SLC17A8: variants seen among roughly 807,000 people sequenced by gnomAD.
SLC17A8 encodes the protein solute carrier family 17 member 8, also known as vesicular glutamate transporter 3.
SLC17A8 carries 31 observed loss-of-function variants against 58.0 expected under a neutral mutation model. That is an observed-to-expected ratio of 0.53 (90% confidence interval 0.40 to 0.72). SLC17A8 has a LOEUF of 0.72. SLC17A8 is among the 30% of genes least tolerant of loss of function. The pLI, the probability that SLC17A8 is intolerant of heterozygous loss-of-function variation, is 0.00. For missense variants in SLC17A8, 655 were observed against 727.8 expected, an observed-to-expected ratio of 0.90 and a Z score of 1.15; for synonymous variants, 228 against 249.0, an observed-to-expected ratio of 0.92 and a Z score of 0.79.
intron 3 of SLC17A8, among the ~76,000 whole-genome samples, chr12:100,391,638 A>C (rs1244697866): frequency 6.6e-6 from 1 of 152,052 alleles, no homozygotes; most frequent in Non-Finnish European, 1.5e-5. Flanking sequence ...TTTTTCATCC[A>C]ATTAAATTTA....
chr12:100,374,986 G>A (rs562457611), intron 1 of SLC17A8, among the ~76,000 whole-genome samples: 86 of 151,790 alleles, frequency 5.7e-4, no homozygotes, highest in South Asian at 1.7e-3. Flanking sequence ...CCCTTTGATC[G>A]TTACTTTCCC....
At chr12:100,366,235 T>C (rs1454687316) in intron 1 of SLC17A8, among the ~76,000 whole-genome samples, 1 of 152,164 alleles carries the variant, frequency 6.6e-6, no homozygotes, top group East Asian at 1.9e-4. Flanking sequence ...AGGACTTCCA[T>C]TTGACTTTTT....
intron 2 of SLC17A8, among the ~76,000 whole-genome samples, chr12:100,386,776 C>T (rs1952678015): frequency 6.6e-6 from 1 of 151,736 alleles, no homozygotes; most frequent in Admixed American, 6.6e-5. Context: ...GCAACTTCCG[C>T]CTCCCAGGTT....
chr12:100,401,901 T>A (rs567026981), intron 6 of SLC17A8, 38 bp downstream of exon 6: 23 of 1,522,110 alleles, frequency 1.5e-5, no homozygotes, highest in Non-Finnish European at 1.6e-5. Context: ...ATGTGACTCA[T>A]AGAGATGGTA....
chr12:100,394,243 C>T (rs1057082191), intron 4 of SLC17A8, among the ~76,000 whole-genome samples: 5 of 152,152 alleles, frequency 3.3e-5, no homozygotes, highest in East Asian at 1.9e-4. Flanking sequence ...CTCTGACCTT[C>T]GCCAGTTTGT....
chr12:100,366,318 T>C (rs1952521032), intron 1 of SLC17A8, among the ~76,000 whole-genome samples: 1 of 152,168 alleles, frequency 6.6e-6, no homozygotes, highest in South Asian at 2.1e-4. Flanking sequence ...GGTGTCTCTC[T>C]TCCAATTATA....
intron 1 of SLC17A8, among the ~76,000 whole-genome samples, chr12:100,374,288 A>G (rs1952579107): frequency 6.6e-6 from 1 of 152,198 alleles, no homozygotes; most frequent in Non-Finnish European, 1.5e-5. Context: ...GCTATACAAG[A>G]AATGGCCTGC....
rs1470576475 is a variant in SLC17A8 at position 100,392,805 on chromosome 12, T to TA, written c.474-563dup. 3.9e-5 allele frequency among the ~76,000 whole-genome samples: 6 copies of TA among 152,164 alleles called. 1 individual carries two copies. On this transcript the variant is annotated intron_variant, in intron 3 of 11. Coordinates refer to ENST00000323346, the MANE Select transcript of SLC17A8 (RefSeq NM_139319.3). ...CTTGTGCTTGGCTGGTCCCAGGACA[T>TA]ACAATGCTTCTTGGATAGTCAGTGT...
At chr12:100,400,595 TG>T (rs900171941) in intron 5 of SLC17A8, among the ~76,000 whole-genome samples, 1 of 152,186 alleles carries the variant, frequency 6.6e-6, no homozygotes, top group Non-Finnish European at 1.5e-5. Flanking sequence ...TCTATTTCTC[TG>T]GAAGATCCCC....
chr12:100,388,678 C>G (rs746324166), intron 2 of SLC17A8, among the ~76,000 whole-genome samples: 1 of 152,030 alleles, frequency 6.6e-6, no homozygotes, highest in African/African-American at 2.4e-5. Flanking sequence ...AACAGATGGG[C>G]GGATAAATAT....
intron 1 of SLC17A8, among the ~76,000 whole-genome samples, chr12:100,362,375 G>A (rs145638378): frequency 1.9e-4 from 29 of 152,112 alleles, no homozygotes; most frequent in African/African-American, 6.8e-4. Context: ...GCCTGGGCTA[G>A]TTTTATTTAT....
intron 5 of SLC17A8, among the ~76,000 whole-genome samples, chr12:100,400,674 C>G (rs1952784648): frequency 6.6e-6 from 1 of 152,124 alleles, no homozygotes; most frequent in African/African-American, 2.4e-5. Flanking sequence ...TTTCACCACT[C>G]ACTTTTTCTG....
At chr12:100,415,928 A>C (rs1388345479) in intron 10 of SLC17A8, among the ~76,000 whole-genome samples, 2 of 152,204 alleles carry the variant, frequency 1.3e-5, no homozygotes, top group Non-Finnish European at 2.9e-5. Flanking sequence ...AGGGGCAATA[A>C]TTCCTCAGAA....
rs527574178 is a variant in SLC17A8 at position 100,380,630 on chromosome 12, T to C, written c.102-71T>C. On this transcript the variant is annotated intron_variant, in intron 1 of 11. Transcript: ENST00000323346. ...TTTCATCTGCTGGTACCTTTTTTCT[T>C]TTTGCTTAGTATACTTTCTTTTTCC... 17 of 1,587,092 alleles carry C rather than the reference T, an allele frequency of 1.1e-5. No homozygotes were observed. The East Asian group carries it at 3.4e-4, about 31-fold the overall frequency.
intron 8 of SLC17A8, among the ~76,000 whole-genome samples, chr12:100,403,080 C>G (rs1180654457): frequency 6.6e-6 from 1 of 152,116 alleles, no homozygotes. Flanking sequence ...CTGTAAGCTA[C>G]TCAGTGAGTA....
chr12:100,366,911 T>G (rs1952524141), intron 1 of SLC17A8, among the ~76,000 whole-genome samples: 1 of 152,232 alleles, frequency 6.6e-6, no homozygotes, highest in Non-Finnish European at 1.5e-5. Flanking sequence ...CCCTTACCTA[T>G]GATGGTTAAG....
chr12:100,402,480 G>T lies in SLC17A8; in HGVS notation c.903+1G>T. ...GGGGGCCAACGTGGTTAGTCTAAGTGTAAGTATAAAAAGTCAGATGAAGAC... is the reference window on the plus strand; with the variant it reads ...GGGGGCCAACGTGGTTAGTCTAAGTTTAAGTATAAAAAGTCAGATGAAGAC... On this transcript the variant is annotated splice_donor_variant, in intron 7 of 11. Transcript: ENST00000323346. LOFTEE classifies it high-confidence loss of function. The T allele has an allele frequency of 2.5e-6, 4 of 1,614,002 alleles. No individual in the cohort carries two copies. Among genetic ancestry groups the T allele is most frequent in the Non-Finnish European group, 3.4e-6 (4 of 1,179,992 alleles).
chr12:100,364,047 CAAAAAAAAAAA>C (rs3057169), intron 1 of SLC17A8, among the ~76,000 whole-genome samples: 2 of 52,990 alleles, frequency 3.8e-5, no homozygotes, highest in African/African-American at 6.4e-5. Context: ...GATTCCATCT[CAAAAAAAAAAA>C]AAAAAAAAAA....
intron 10 of SLC17A8, among the ~76,000 whole-genome samples, chr12:100,413,605 A>G (rs928358548): frequency 6.6e-6 from 1 of 152,216 alleles, no homozygotes; most frequent in African/African-American, 2.4e-5. Flanking sequence ...GTGCAATCAT[A>G]TCAGAAGCTT....
Sources: gnomAD v4.1 joint callset for allele counts (sites outside exome capture counted in the v4.1 genomes callset) on GRCh38, gnomAD v4.1.1 for gene constraint, MANE v1.5 for transcripts, NCBI Gene and HGNC (gene_info 2026-07-23, HGNC 2026-07-21) for gene names.